The following DACH2 variants were observed in gnomAD, a reference collection of about 807,000 sequenced individuals.
The protein encoded by DACH2 is dachshund family transcription factor 2.
In DACH2, 17 loss-of-function variants were observed where a neutral mutation model predicts 35.8. That is an observed-to-expected ratio of 0.48 (90% confidence interval 0.33 to 0.71). The LOEUF is 0.71. DACH2 is among the 30% of genes least tolerant of loss of function. DACH2 has a pLI of 0.02. For synonymous variants in DACH2, 195 were observed against 177.3 expected (o/e 1.10, Z -0.79); for missense variants, 469 against 472.7 (o/e 0.99, Z 0.07).
chrX:86,425,621 A>C (rs1353791328), intron 2 of DACH2, among the ~76,000 whole-genome samples: 2 of 110,747 alleles, frequency 1.8e-5, no homozygotes, highest in African/African-American at 6.5e-5. Context: ...AACTTCAAAA[A>C]ACCAACTTTT....
intron 11 of DACH2, among the ~76,000 whole-genome samples, chrX:86,823,629 G>T (rs1313809765): frequency 1.8e-5 from 2 of 111,618 alleles, no homozygotes; most frequent in Non-Finnish European, 3.8e-5. Flanking sequence ...ACTATCAGGG[G>T]AACCCGCCCC....
chrX:86,485,942 T>C (rs2038013038), intron 2 of DACH2, among the ~76,000 whole-genome samples: 1 of 112,139 alleles, frequency 8.9e-6, no homozygotes, highest in Admixed American at 9.5e-5. Context: ...ATGCCAGCTC[T>C]GACACTACCT....
At chrX:86,790,122 C>T (rs1356431533) in intron 7 of DACH2, among the ~76,000 whole-genome samples, 1 of 111,775 alleles carries the variant, frequency 8.9e-6, no homozygotes, top group Non-Finnish European at 1.9e-5. Context: ...TGTATGCACA[C>T]ACACAGAGAT....
chrX:86,678,360 T>A (rs188893256), intron 4 of DACH2, among the ~76,000 whole-genome samples: 24 of 112,218 alleles, frequency 2.1e-4, no homozygotes, highest in African/African-American at 7.7e-4. Context: ...ATTTATTGTG[T>A]CCATTGCCAA....
chrX:86,254,781 AAT>A (rs1200745075), intron 1 of DACH2, among the ~76,000 whole-genome samples: 15 of 22,593 alleles, frequency 6.6e-4, no homozygotes, highest in Non-Finnish European at 9.6e-4. Context: ...CAAATAAATA[AAT>A]ATATATATAT....
chrX:86,762,330 G>T (rs1422880867), intron 7 of DACH2, among the ~76,000 whole-genome samples: 1 of 110,823 alleles, frequency 9.0e-6, no homozygotes, highest in Non-Finnish European at 1.9e-5. Context: ...TCTCTAATCT[G>T]GTATCCACAA....
Position 86,806,212 on chromosome X carries a change from C to T in DACH2, c.1241-6644C>T, listed in dbSNP as rs115571428. 8.7e-3 allele frequency among the ~76,000 whole-genome samples: 968 copies of T among 111,174 alleles called. 10 individuals are homozygous for T. The highest frequency in any genetic ancestry group is 0.03 in the African/African-American group (906 of 30,582). ...ACAGGAATCGTGATGCTGGCACCTG[C>T]TTGGCTTCTGGGGAGGCCTCAGGGA... On this transcript the variant is annotated intron_variant, in intron 7 of 11. Coordinates refer to ENST00000373125, the MANE Select transcript of DACH2 (RefSeq NM_053281.3).
At chrX:86,151,099 T>C (rs755036100) in intron 1 of DACH2, among the ~76,000 whole-genome samples, 6 of 111,480 alleles carry the variant, frequency 5.4e-5, no homozygotes, top group African/African-American at 1.9e-4. Flanking sequence ...CTTTTCTCTA[T>C]AAATGGAAAC....
intron 1 of DACH2, among the ~76,000 whole-genome samples, chrX:86,180,936 T>C (rs1253960853): frequency 1.8e-5 from 2 of 111,003 alleles, no homozygotes; most frequent in Middle Eastern, 4.6e-3. Context: ...GCCTCCATGG[T>C]TGCACCAAAT....
At chrX:86,608,104 A>C (rs2039884071) in intron 3 of DACH2, among the ~76,000 whole-genome samples, 1 of 110,630 alleles carries the variant, frequency 9.0e-6, no homozygotes, top group African/African-American at 3.3e-5. Flanking sequence ...CTTTGGGTAT[A>C]TACCCAGTAA....
chrX:86,254,208 T>G (rs925796708), intron 1 of DACH2, among the ~76,000 whole-genome samples: 1 of 111,650 alleles, frequency 9.0e-6, no homozygotes, highest in African/African-American at 3.3e-5. Flanking sequence ...TTCTAATATG[T>G]TTTGTTTAGA....
intron 2 of DACH2, among the ~76,000 whole-genome samples, chrX:86,426,953 T>C (rs2036903766): frequency 8.9e-6 from 1 of 112,582 alleles, no homozygotes; most frequent in East Asian, 2.8e-4. Context: ...ATATTTCATT[T>C]AGAAAGTGCC....
chrX:86,234,913 C>T (rs1012341771), intron 1 of DACH2, among the ~76,000 whole-genome samples: 3 of 111,301 alleles, frequency 2.7e-5, no homozygotes, highest in Non-Finnish European at 3.8e-5. Flanking sequence ...GCGCCCAGCC[C>T]AATATTTGTA....
intron 1 of DACH2, among the ~76,000 whole-genome samples, chrX:86,182,140 G>C (rs1353367702): frequency 3.6e-5 from 4 of 111,766 alleles, no homozygotes; most frequent in African/African-American, 1.3e-4. Flanking sequence ...TAGGTTGCCT[G>C]TTCACTCTGA....
In DACH2 at chrX:86,148,842, C is replaced by T. The variant is rs1339807627; in HGVS notation, c.222C>T (p.His74=). 2 of 1,211,649 alleles carry T rather than the reference C, an allele frequency of 1.7e-6. No individual in the cohort carries two copies. Among genetic ancestry groups the T allele is most frequent in the East Asian group, 5.9e-5 (2 of 33,792 alleles). ...ACGAGTGCCGCATGGTCGACATGCA[C>T]GGGATGAAGGTGGCTTCGTTCCTGA... ...NTNECRMVDM[H]GMKVASFLMD... is the part of the protein sequence containing the mutation. The change falls in exon 1 of 12, where the codon CAC becomes CAT. Residue 74 remains histidine, a synonymous_variant. Coordinates refer to ENST00000373125, the MANE Select transcript of DACH2 (RefSeq NM_053281.3).
At position 86,563,905 on chromosome X, in the gene DACH2, A is replaced by G. The variant is rs780466671; in HGVS notation, c.640+49514A>G. Among the ~76,000 whole-genome samples the G allele has an allele frequency of 3.6e-5, 4 of 111,343 alleles. No individual in the cohort carries two copies. The East Asian group carries it at 8.5e-4, about 24-fold the overall frequency. On this transcript the variant is annotated intron_variant, in intron 3 of 11. Transcript: ENST00000373125. ...CTATAAAAATCACAATATTTTATTG[A>G]TTATACAAATACATTCCCTTATTTC...
intron 1 of DACH2, among the ~76,000 whole-genome samples, chrX:86,167,925 T>C (rs2147870337): frequency 8.9e-6 from 1 of 112,022 alleles, no homozygotes; most frequent in South Asian, 3.7e-4. Flanking sequence ...TTTCAAGTTT[T>C]TTGAATGTTT....
chrX:86,574,381 A>G (rs1164865985), intron 3 of DACH2, among the ~76,000 whole-genome samples: 1 of 111,412 alleles, frequency 9.0e-6, no homozygotes, highest in East Asian at 2.8e-4. Context: ...GTGACATTTA[A>G]TTGGTGAAGC....
intron 1 of DACH2, among the ~76,000 whole-genome samples, chrX:86,155,735 T>C (rs2030522474): frequency 1.8e-5 from 2 of 111,398 alleles, no homozygotes; most frequent in African/African-American, 3.2e-5. Flanking sequence ...AATCAGTTTT[T>C]AGATGTAGAT....
Sources: allele counts gnomAD v4.1 joint callset (sites outside exome capture counted in the v4.1 genomes callset), GRCh38; gene constraint gnomAD v4.1.1; transcripts MANE v1.5; gene names NCBI Gene and HGNC (gene_info 2026-07-23, HGNC 2026-07-21).